Variants in ADAMTS3 observed in about 807,000 individuals in gnomAD.
ADAMTS3 encodes ADAM metallopeptidase with thrombospondin type 1 motif 3.
A neutral mutation model predicts 129.0 loss-of-function variants in ADAMTS3; 73 were observed. The ratio of observed to expected loss-of-function variants is 0.57; its 90% CI spans 0.47 to 0.69. The LOEUF (loss-of-function observed/expected upper bound fraction) is 0.69, where lower values mean the gene tolerates loss of function less well. ADAMTS3 is among the 30% of genes least tolerant of loss of function. ADAMTS3 has a pLI of 0.00. For synonymous variants in ADAMTS3, 477 were observed against 510.8 expected, an observed-to-expected ratio of 0.93 and a Z score of 0.89; for missense variants, 1,457 against 1,514.5, an observed-to-expected ratio of 0.96 and a Z score of 0.63.
intron 4 of ADAMTS3, among the ~76,000 whole-genome samples, chr4:72,357,717 T>G (rs1578611397): frequency 6.6e-6 from 1 of 151,898 alleles, no homozygotes; most frequent in Non-Finnish European, 1.5e-5. Flanking sequence ...GCTGGAAAAA[T>G]TTAACTCAAT....
At chr4:72,288,558 T>C (rs1718571061) in intron 21 of ADAMTS3, among the ~76,000 whole-genome samples, 193 bp downstream of exon 21, 1 of 152,168 alleles carries the variant, frequency 6.6e-6, no homozygotes, top group Admixed American at 6.5e-5. Context: ...GTGATCATGA[T>C]AATTAAAAAG....
intron 3 of ADAMTS3, among the ~76,000 whole-genome samples, chr4:72,533,631 G>GTA (rs763315196): frequency 6.6e-6 from 1 of 151,212 alleles, no homozygotes; most frequent in African/African-American, 2.4e-5. Context: ...ACATATATAT[G>GTA]TATATGCACA....
intron 3 of ADAMTS3, among the ~76,000 whole-genome samples, chr4:72,507,043 G>T (rs1318309689): frequency 6.6e-6 from 1 of 152,172 alleles, no homozygotes; most frequent in Non-Finnish European, 1.5e-5. Flanking sequence ...AACAAGAATA[G>T]TGAATGAAGG....
intron 3 of ADAMTS3, among the ~76,000 whole-genome samples, chr4:72,462,384 C>T (rs1718794687): frequency 6.6e-6 from 1 of 151,932 alleles, no homozygotes; most frequent in Non-Finnish European, 1.5e-5. Flanking sequence ...TCATCATAGC[C>T]CTTGGCTGTT....
intron 3 of ADAMTS3, among the ~76,000 whole-genome samples, chr4:72,471,047 C>A (rs1719060197): frequency 6.6e-6 from 1 of 152,066 alleles, no homozygotes; most frequent in Non-Finnish European, 1.5e-5. Flanking sequence ...TCATGGAACA[C>A]CATTTTTACT....
intron 4 of ADAMTS3, among the ~76,000 whole-genome samples, chr4:72,370,124 G>A (rs918057369): frequency 6.6e-6 from 1 of 152,092 alleles, no homozygotes; most frequent in African/African-American, 2.4e-5. Context: ...CCTAGAGCCC[G>A]GTCATTTTAT....
At chr4:72,457,435 T>A (rs1331554761) in intron 3 of ADAMTS3, among the ~76,000 whole-genome samples, 1 of 151,702 alleles carries the variant, frequency 6.6e-6, no homozygotes, top group Non-Finnish European at 1.5e-5. Context: ...AAATTAGATA[T>A]TACATGATTC....
At chr4:72,528,468 A>T (rs1168695825) in intron 3 of ADAMTS3, among the ~76,000 whole-genome samples, 5 of 151,378 alleles carry the variant, frequency 3.3e-5, no homozygotes, top group African/African-American at 1.2e-4. Flanking sequence ...AGAAAATATC[A>T]CTTTTACCCC....
rs1285194247 is a variant in ADAMTS3, at chr4:72,555,265, CTTAT to C, written c.98-6385_98-6382del. Among the ~76,000 whole-genome samples the C allele has an allele frequency of 5.3e-5, 8 of 151,376 alleles. 1 individual carries two copies. Among genetic ancestry groups the C allele is most frequent in the Admixed American group, 5.2e-4 (8 of 15,250 alleles). ...ATTTAAAGCCCTCTGCACTCTGCCC[CTTAT>C]TTCTTTTCAATATCATCTCTCATAT... On this transcript the variant is annotated intron_variant, in intron 2 of 21. Coordinates refer to ENST00000286657, the MANE Select transcript of ADAMTS3 (RefSeq NM_014243.3).
chr4:72,383,465 C>T (rs2109882256), intron 4 of ADAMTS3, among the ~76,000 whole-genome samples: 1 of 152,298 alleles, frequency 6.6e-6, no homozygotes, highest in East Asian at 1.9e-4. Context: ...TTGGGCATCA[C>T]ATACTTGGAA....
intron 4 of ADAMTS3, among the ~76,000 whole-genome samples, chr4:72,378,444 G>C (rs1450012389): frequency 6.6e-6 from 1 of 152,100 alleles, no homozygotes; most frequent in Non-Finnish European, 1.5e-5. Context: ...TATTTTCATA[G>C]TTATCATATT....
chr4:72,392,767 A>T (rs563500334), intron 4 of ADAMTS3, among the ~76,000 whole-genome samples: 3 of 152,246 alleles, frequency 2.0e-5, no homozygotes, highest in African/African-American at 4.8e-5. Flanking sequence ...CCTAAAACAA[A>T]TTTTTTTCAC....
chr4:72,418,074 A>C (rs539383178), intron 3 of ADAMTS3, among the ~76,000 whole-genome samples: 1 of 152,152 alleles, frequency 6.6e-6, no homozygotes. Flanking sequence ...AAATTCAATG[A>C]GTATGCTATG....
chr4:72,568,893 C>A lies in ADAMTS3; in HGVS notation c.-131G>T. ...AAAATGCGAAATAGAAAAAAATGAT[C>A]TTCTGTGCTTTGCTTCAATGAAAAT... On this transcript the variant is annotated 5_prime_UTR_variant, in exon 1 of 22. Coordinates refer to ENST00000286657, the MANE Select transcript of ADAMTS3 (RefSeq NM_014243.3). The A allele has an allele frequency of 1.5e-6, 1 of 676,956 alleles. No homozygotes were observed. 41.9% of individuals were successfully genotyped at this position (676,956 alleles called of 1,614,324 possible).
intron 2 of ADAMTS3, among the ~76,000 whole-genome samples, chr4:72,560,161 C>A (rs1051662847): frequency 6.6e-6 from 1 of 151,336 alleles, no homozygotes; most frequent in Non-Finnish European, 1.5e-5. Context: ...CCCTTCCTTA[C>A]ACCTTATTTA....
At chr4:72,562,260 A>G (rs1721921310) in intron 2 of ADAMTS3, among the ~76,000 whole-genome samples, 1 of 152,174 alleles carries the variant, frequency 6.6e-6, no homozygotes, top group Non-Finnish European at 1.5e-5. Context: ...AAAAATCAAT[A>G]CTTTCCTAAG....
At chr4:72,345,147 C>A (rs1720246249) in intron 4 of ADAMTS3, among the ~76,000 whole-genome samples, 1 of 152,094 alleles carries the variant, frequency 6.6e-6, no homozygotes, top group African/African-American at 2.4e-5. Flanking sequence ...AATGAGAAAG[C>A]ATCATATTGT....
chr4:72,309,477 T>C lies in ADAMTS3; in HGVS notation c.2099A>G (p.Asp700Gly). ...ATCTCCTCCACAGACACCACACTTATCCTCAACCTTATTAGAACCAATTTC... is the reference window on the plus strand; with the variant it reads ...ATCTCCTCCACAGACACCACACTTACCCTCAACCTTATTAGAACCAATTTC... ...DKEIGSNKVE[D>G]KCGVCGGDNS... Residue 700 changes from aspartate (D) to glycine (G), a missense_variant, in exon 15 of 22, where the codon GAT (aspartate) becomes GGT (glycine). Coordinates refer to ENST00000286657, the MANE Select transcript of ADAMTS3 (RefSeq NM_014243.3). 6.2e-7 allele frequency: 1 copy of C among 1,612,086 alleles called. No individual in the cohort carries two copies. The highest frequency in any genetic ancestry group is 8.5e-7 in the Non-Finnish European group (1 of 1,178,600).
intron 4 of ADAMTS3, among the ~76,000 whole-genome samples, chr4:72,376,644 C>T (rs1400065208): frequency 3.3e-5 from 5 of 152,132 alleles, no homozygotes; most frequent in Non-Finnish European, 5.9e-5. Flanking sequence ...GGCCTAAGAA[C>T]TGCATTTCTA....
Sources: allele counts gnomAD v4.1 joint callset (sites outside exome capture counted in the v4.1 genomes callset), GRCh38; gene constraint gnomAD v4.1.1; transcripts MANE v1.5; gene names NCBI Gene and HGNC (gene_info 2026-07-23, HGNC 2026-07-21).